The following DAGLB variants were observed in gnomAD, a reference collection of about 807,000 sequenced individuals.
DAGLB encodes diacylglycerol lipase beta, also known as diacylglycerol lipase-beta.
Under a neutral mutation model 72.1 loss-of-function variants are expected in DAGLB, and 66 were observed. The observed-to-expected ratio is 0.92, with a 90% CI of 0.75 to 1.12. The LOEUF is 1.12. Among genes scored for constraint, DAGLB ranks in the 50% most tolerant of loss-of-function variants. The pLI, the probability that DAGLB is intolerant of heterozygous loss-of-function variation, is 0.00. For missense variants in DAGLB, 1,065 were observed against 884.9 expected (o/e 1.20, Z -2.58); for synonymous variants, 414 against 359.5 (o/e 1.15, Z -1.71).
chr7:6,421,261 C>T (rs1466803931), intron 9 of DAGLB, among the ~76,000 whole-genome samples: 1 of 152,182 alleles, frequency 6.6e-6, no homozygotes, highest in Non-Finnish European at 1.5e-5. Context: ...GCTTCTCTCT[C>T]TTAGAACAAA....
chr7:6,426,571 G>A (rs116300037), intron 6 of DAGLB, among the ~76,000 whole-genome samples: 1,547 of 152,248 alleles, frequency 0.01, 21 homozygotes, highest in African/African-American at 0.036. Flanking sequence ...CACTGGGCCC[G>A]GAATGGCTTA....
intron 2 of DAGLB, among the ~76,000 whole-genome samples, chr7:6,445,497 AATGGGT>A (rs1448501638): frequency 1.4e-5 from 2 of 144,184 alleles, no homozygotes; most frequent in Admixed American, 1.4e-4. Context: ...AGTGACTGCT[AATGGGT>A]ATGGGATCTC....
chr7:6,444,276 C>G (rs1021223317), intron 2 of DAGLB, among the ~76,000 whole-genome samples: 5 of 151,882 alleles, frequency 3.3e-5, no homozygotes, highest in Non-Finnish European at 7.4e-5. Flanking sequence ...CTGTCTCTAA[C>G]AACAACAAAA....
intron 1 of DAGLB, among the ~76,000 whole-genome samples, chr7:6,446,732 G>T (rs893828425): frequency 1.1e-4 from 17 of 151,714 alleles, no homozygotes; most frequent in Non-Finnish European, 2.5e-4. Flanking sequence ...ATCTAGGCCC[G>T]GCACGGCGGC....
intron 2 of DAGLB, among the ~76,000 whole-genome samples, chr7:6,442,712 C>G (rs901191902): frequency 2.6e-5 from 4 of 152,196 alleles, no homozygotes; most frequent in Non-Finnish European, 4.4e-5. Flanking sequence ...CGTGGAGCCT[C>G]CATCAATCCA....
At chr7:6,418,388 A>G (rs990906587) in intron 9 of DAGLB, among the ~76,000 whole-genome samples, 6 of 152,034 alleles carry the variant, frequency 3.9e-5, no homozygotes, top group African/African-American at 7.2e-5. Flanking sequence ...CATCATAAAA[A>G]TAATAAATAA....
Position 6,434,934 on chromosome 7 carries a change from C to T in DAGLB, c.506G>A (p.Gly169Asp), listed in dbSNP as rs1484587198. The T allele has an allele frequency of 1.2e-6, 2 of 1,614,096 alleles. No homozygotes were observed. The change falls in exon 4 of 15, where the codon GGC (glycine) becomes GAC (aspartate). Residue 169 changes from glycine (G) to aspartate (D), a missense_variant. Gly to Asp is a moderately conservative substitution (Grantham distance 94). Transcript: ENST00000297056. ...GGKMAPYSSA[G>D]PSHLDSHDSS... is the part of the protein sequence containing the mutation. ...ATCATGACTATCCAGGTGGCTGGGGCCGGCAGAGGAATATGGAGCCATTTT... is the reference window on the plus strand; with the variant it reads ...ATCATGACTATCCAGGTGGCTGGGGTCGGCAGAGGAATATGGAGCCATTTT...
Position 6,418,188 on chromosome 7 carries a change from C to A in DAGLB, c.1219-1267G>T, listed in dbSNP as rs1293095630. ...CCAGCAAAAATTTAAAATTTTCTAACATATACATCTGTCCTCTGAAACAGG... is the reference window on the plus strand; with the variant it reads ...CCAGCAAAAATTTAAAATTTTCTAAAATATACATCTGTCCTCTGAAACAGG... On this transcript the variant is annotated intron_variant, in intron 9 of 14. Transcript: ENST00000297056. Among the ~76,000 whole-genome samples, 5 of 151,234 alleles carry A rather than the reference C, an allele frequency of 3.3e-5. No homozygotes were observed. The South Asian group carries it at 1.1e-3, about 32-fold the overall frequency.
intron 4 of DAGLB, 134 bp from the exon 5 acceptor site, chr7:6,433,093 A>C: frequency 3.0e-6 from 4 of 1,342,680 alleles, no homozygotes; most frequent in Non-Finnish European, 3.9e-6. Context: ...GTATGTTAAA[A>C]AGACTGCTCC....
At chr7:6,430,801 G>C (rs1237909879) in intron 5 of DAGLB, among the ~76,000 whole-genome samples, 194 bp from the exon 6 acceptor site, 4 of 147,104 alleles carry the variant, frequency 2.7e-5, no homozygotes, top group African/African-American at 7.6e-5. Context: ...TTTTTTTTTA[G>C]AGTCTCGCTC....
chr7:6,427,823 C>T (rs1270506852), intron 6 of DAGLB, among the ~76,000 whole-genome samples: 1 of 152,108 alleles, frequency 6.6e-6, no homozygotes, highest in Non-Finnish European at 1.5e-5. Context: ...GTGCTCAGAA[C>T]ATGATGGGGT....
intron 3 of DAGLB, among the ~76,000 whole-genome samples, chr7:6,435,777 C>T (rs1266212876): frequency 2.0e-5 from 3 of 152,180 alleles, no homozygotes; most frequent in Non-Finnish European, 4.4e-5. Flanking sequence ...CACACGCAAC[C>T]GGGAAATGCC....
intron 6 of DAGLB, among the ~76,000 whole-genome samples, chr7:6,428,315 C>CAAAAAAAAAAAAAAA (rs749361631): frequency 1.3e-5 from 1 of 77,008 alleles, no homozygotes; most frequent in African/African-American, 4.8e-5. Flanking sequence ...GACTCTGTCT[C>CAAAAAAAAAAAAAAA]AAAAAAAAAA....
At chr7:6,444,127 A>T (rs957938124) in intron 2 of DAGLB, among the ~76,000 whole-genome samples, 5 of 152,126 alleles carry the variant, frequency 3.3e-5, no homozygotes, top group Non-Finnish European at 7.3e-5. Flanking sequence ...AAAAAAAATT[A>T]GCCAGGTATG....
At chr7:6,431,003 C>T (rs1247323891) in intron 5 of DAGLB, among the ~76,000 whole-genome samples, 2 of 151,948 alleles carry the variant, frequency 1.3e-5, no homozygotes, top group Admixed American at 1.3e-4. Context: ...CTCGAACTCC[C>T]GACCTCAGGT....
At chr7:6,425,345 C>G (rs1311964914) in intron 7 of DAGLB, among the ~76,000 whole-genome samples, 1 of 152,126 alleles carries the variant, frequency 6.6e-6, no homozygotes, top group African/African-American at 2.4e-5. Flanking sequence ...AATCTCAACT[C>G]ACTGTAACCT....
chr7:6,435,886 G>C (rs1481869999), intron 3 of DAGLB, among the ~76,000 whole-genome samples: 1 of 152,116 alleles, frequency 6.6e-6, no homozygotes, highest in African/African-American at 2.4e-5. Flanking sequence ...GTGTTAAGGG[G>C]GCGGGACTGG....
chr7:6,433,116 T>G lies in DAGLB; in HGVS notation c.679-157A>C, dbSNP rs141019624. Among the ~76,000 whole-genome samples, 331 of 152,342 alleles carry G rather than the reference T, an allele frequency of 2.2e-3. 2 individuals are homozygous for G. The highest frequency in any genetic ancestry group is 7.2e-3 in the African/African-American group (301 of 41,592). On this transcript the variant is annotated intron_variant, in intron 4 of 14. Transcript: ENST00000297056. ...AAAAGACTGCTCCTGGCAGGAGTGC[T>G]TCTCTATGTGACCTGAATATGTTTT...
intron 9 of DAGLB, among the ~76,000 whole-genome samples, chr7:6,419,544 C>A (rs776324072): frequency 9.2e-5 from 14 of 152,224 alleles, no homozygotes; most frequent in Non-Finnish European, 2.1e-4. Flanking sequence ...CAGAGCCAAA[C>A]TCAGCGTGAT....
Sources: gnomAD v4.1 joint callset for allele counts (sites outside exome capture counted in the v4.1 genomes callset) on GRCh38, gnomAD v4.1.1 for gene constraint, MANE v1.5 for transcripts, NCBI Gene and HGNC (gene_info 2026-07-23, HGNC 2026-07-21) for gene names.